Variants in SNTG2 observed in about 807,000 individuals in gnomAD.
The protein encoded by SNTG2 is syntrophin gamma 2.
In SNTG2, 74 loss-of-function variants were observed where a neutral mutation model predicts 70.9. The observed-to-expected ratio is 1.04, with a 90% CI of 0.86 to 1.27. SNTG2 has a LOEUF of 1.27. Ranked by LOEUF, SNTG2 falls within the 50% of genes most tolerant of loss-of-function variation. The probability of loss-of-function intolerance (pLI) is 0.00; values close to 1 mark genes in which losing one functional copy is unlikely to be tolerated. For synonymous variants in SNTG2, 278 were observed against 273.8 expected (o/e 1.02, Z -0.15); for missense variants, 717 against 690.7 (o/e 1.04, Z -0.43).
chr2:1,110,633 A>G (rs985149550), intron 4 of SNTG2, among the ~76,000 whole-genome samples: 1 of 152,196 alleles, frequency 6.6e-6, no homozygotes, highest in Non-Finnish European at 1.5e-5. Flanking sequence ...CTCTTCCCAG[A>G]GCTGGAATCC....
rs1553353374 is a variant in SNTG2 at position 1,197,462 on chromosome 2, C to CATATATATATGTGTATATATATGTGT, written c.592-11619_592-11618insGTGTATATATATATGTGTATATATAT. 3.2e-3 allele frequency among the ~76,000 whole-genome samples: 307 copies of CATATATATATGTGTATATATATGTGT among 95,912 alleles called. 3 individuals are homozygous for CATATATATATGTGTATATATATGTGT. Among genetic ancestry groups the CATATATATATGTGTATATATATGTGT allele is most frequent in the East Asian group, 6.4e-3 (11 of 1,718 alleles). 62.9% of individuals were successfully genotyped at this position (95,912 alleles called of 152,430 possible). ...CACATGCACCCAATTTCAGAGCATG[C>CATATATATATGTGTATATATATGTGT]ATATATATATGTGTATATATATATG... On this transcript the variant is annotated intron_variant, in intron 8 of 16. Transcript: ENST00000308624.
intron 1 of SNTG2, among the ~76,000 whole-genome samples, chr2:984,470 G>A (rs1211382106): frequency 1.3e-5 from 2 of 151,988 alleles, no homozygotes; most frequent in African/African-American, 2.4e-5. Flanking sequence ...TGTTTGCTGG[G>A]TAGAAGATAC....
intron 14 of SNTG2, among the ~76,000 whole-genome samples, chr2:1,307,367 G>A (rs942666589): frequency 6.7e-6 from 1 of 149,762 alleles, no homozygotes; most frequent in Non-Finnish European, 1.5e-5. Flanking sequence ...GTATGTGTGT[G>A]TGTATATATG....
rs546108048 is a variant in SNTG2 at position 994,963 on chromosome 2, A to G, written c.72+43895A>G. 7.9e-5 allele frequency among the ~76,000 whole-genome samples: 12 copies of G among 151,714 alleles called. No individual in the cohort carries two copies. The South Asian group carries it at 2.5e-3, about 32-fold the overall frequency. On this transcript the variant is annotated intron_variant, in intron 1 of 16. Transcript: ENST00000308624. ...ATTTATTAGTTCAAATAATTTTAAC[A>G]GATTTCTTAAAATTTTCTAAGTACA...
chr2:1,189,651 C>T (rs992105039), intron 8 of SNTG2, among the ~76,000 whole-genome samples: 7 of 151,964 alleles, frequency 4.6e-5, no homozygotes, highest in Non-Finnish European at 7.4e-5. Flanking sequence ...CTCTGCCTCC[C>T]GGGTTCAAGT....
intron 2 of SNTG2, among the ~76,000 whole-genome samples, chr2:1,095,859 A>G (rs1665357469): frequency 6.6e-6 from 1 of 152,152 alleles, no homozygotes; most frequent in African/African-American, 2.4e-5. Context: ...AGATAATTCA[A>G]TTTTCTCATC....
chr2:1,211,896 T>C (rs1674071746), intron 9 of SNTG2, among the ~76,000 whole-genome samples: 1 of 152,146 alleles, frequency 6.6e-6, no homozygotes, highest in Admixed American at 6.5e-5. Context: ...CTTGAGAACA[T>C]GTAGAAACAC....
At chr2:1,209,718 T>C (rs1265271518) in intron 9 of SNTG2, among the ~76,000 whole-genome samples, 1 of 152,234 alleles carries the variant, frequency 6.6e-6, no homozygotes, top group Non-Finnish European at 1.5e-5. Flanking sequence ...GATGTAACTA[T>C]AAAAGTTGAT....
chr2:1,083,007 C>G (rs914866037), intron 1 of SNTG2, among the ~76,000 whole-genome samples: 1 of 152,192 alleles, frequency 6.6e-6, no homozygotes, highest in Admixed American at 6.5e-5. Flanking sequence ...GCAGCAGCCC[C>G]TGCAGGAGCT....
chr2:1,132,895 C>G (rs1668121298), intron 4 of SNTG2, among the ~76,000 whole-genome samples: 1 of 152,230 alleles, frequency 6.6e-6, no homozygotes, highest in Non-Finnish European at 1.5e-5. Flanking sequence ...ATTTGCCTTT[C>G]TCTACAGTTT....
chr2:1,074,330 A>G (rs988496519), intron 1 of SNTG2, among the ~76,000 whole-genome samples: 3 of 152,294 alleles, frequency 2.0e-5, no homozygotes, highest in African/African-American at 7.2e-5. Flanking sequence ...TTCTCCCCTG[A>G]CATTCTTTTT....
chr2:1,222,125 GTCTCT>G (rs1675224403), intron 9 of SNTG2, among the ~76,000 whole-genome samples: 6 of 76,264 alleles, frequency 7.9e-5, no homozygotes, highest in Admixed American at 4.1e-4. Flanking sequence ...GTCTCTCTCT[GTCTCT>G]CTCTGTCTCT....
intron 2 of SNTG2, among the ~76,000 whole-genome samples, chr2:1,095,184 T>TA (rs1462091765): frequency 6.6e-6 from 1 of 152,166 alleles, no homozygotes; most frequent in African/African-American, 2.4e-5. Flanking sequence ...CATCTGACCT[T>TA]AGTTACCTCC....
At chr2:1,238,836 T>C (rs904515577) in intron 10 of SNTG2, among the ~76,000 whole-genome samples, 3 of 152,218 alleles carry the variant, frequency 2.0e-5, no homozygotes, top group African/African-American at 7.2e-5. Context: ...TGGCCAGGCG[T>C]GGCCCACCCT....
chr2:1,270,257 C>A (rs1181402550), intron 14 of SNTG2, among the ~76,000 whole-genome samples: 1 of 152,116 alleles, frequency 6.6e-6, no homozygotes, highest in Non-Finnish European at 1.5e-5. Flanking sequence ...CTCACTCCCT[C>A]TTCATGAATT....
intron 1 of SNTG2, among the ~76,000 whole-genome samples, chr2:1,024,554 T>G (rs1660370734): frequency 6.6e-6 from 1 of 152,140 alleles, no homozygotes; most frequent in South Asian, 2.1e-4. Flanking sequence ...TTAAAATTGT[T>G]TGTAGAGGTG....
chr2:988,467 TGGCTTATC>T (rs1197619582), intron 1 of SNTG2, among the ~76,000 whole-genome samples: 2 of 152,222 alleles, frequency 1.3e-5, no homozygotes, highest in African/African-American at 4.8e-5. Context: ...CAGACTTCTT[TGGCTTATC>T]GCAATGCTTC....
chr2:1,237,069 A>C (rs1270183042), intron 9 of SNTG2, among the ~76,000 whole-genome samples: 6 of 151,440 alleles, frequency 4.0e-5, no homozygotes, highest in Admixed American at 3.3e-4. Context: ...TAGCCTTCCG[A>C]GTAGCTGGAG....
At chr2:1,066,291 A>G (rs772900258) in intron 1 of SNTG2, among the ~76,000 whole-genome samples, 4 of 152,218 alleles carry the variant, frequency 2.6e-5, no homozygotes, top group Admixed American at 6.5e-5. Context: ...GATCAGGTGA[A>G]TATGACAAAT....
Sources: allele counts gnomAD v4.1 joint callset (sites outside exome capture counted in the v4.1 genomes callset), GRCh38; gene constraint gnomAD v4.1.1; transcripts MANE v1.5; gene names NCBI Gene and HGNC (gene_info 2026-07-23, HGNC 2026-07-21).